The following PPP5C variants were observed in gnomAD, a reference collection of about 807,000 sequenced individuals.
PPP5C encodes protein phosphatase 5 catalytic subunit, also known as serine/threonine-protein phosphatase 5.
PPP5C carries 21 observed loss-of-function variants against 66.7 expected under a neutral mutation model. The ratio of observed to expected loss-of-function variants is 0.31; its 90% CI spans 0.22 to 0.45. PPP5C has a LOEUF of 0.45. Among genes scored for constraint, PPP5C ranks in the 20% least tolerant of loss-of-function variants. The pLI is 1.00. For synonymous variants in PPP5C, 246 were observed against 257.4 expected (o/e 0.96, Z 0.43); for missense variants, 464 against 675.9 (o/e 0.69, Z 3.48).
intron 2 of PPP5C, among the ~76,000 whole-genome samples, chr19:46,371,292 A>G (rs1972587148): frequency 1.3e-5 from 2 of 152,144 alleles, no homozygotes; most frequent in Admixed American, 6.5e-5. Context: ...TCAGTTAGAA[A>G]TGCGTGTTGC....
In PPP5C at chr19:46,383,147, G is replaced by T; in HGVS notation, c.634-264G>T. Reference sequence around the variant, plus strand: ...ATTCATGCATGTATTTCCACTTGATGCTGAGTATTTTAAGATAATTCAAGA... The same window carrying T: ...ATTCATGCATGTATTTCCACTTGATTCTGAGTATTTTAAGATAATTCAAGA... On this transcript the variant is annotated intron_variant, in intron 4 of 12. Transcript: ENST00000012443. This position sits in a 1 kb window ranked among gnomAD's most constrained non-coding sequence, Gnocchi z 5.0. 1.4e-6 allele frequency: 2 copies of T among 1,419,200 alleles called. No homozygotes were observed. Among genetic ancestry groups the T allele is most frequent in the Non-Finnish European group, 1.9e-6 (2 of 1,075,436 alleles). 87.9% of individuals were successfully genotyped at this position (1,419,200 alleles called of 1,614,324 possible). A position where few individuals can be genotyped will look rare whatever the true frequency, so the allele number is the denominator to read the frequency against.
chr19:46,380,213 G>T (rs914473003), intron 4 of PPP5C, among the ~76,000 whole-genome samples: 3 of 152,032 alleles, frequency 2.0e-5, no homozygotes, highest in Admixed American at 6.6e-5. Context: ...CCAGCTGCTC[G>T]AGAGGCTGAG....
intron 2 of PPP5C, among the ~76,000 whole-genome samples, chr19:46,360,843 C>T (rs191446671): frequency 1.2e-3 from 179 of 152,212 alleles, no homozygotes; most frequent in African/African-American, 4.1e-3. Context: ...AGGTTTGAAA[C>T]ACTTAATCAA....
At chr19:46,368,866 T>C (rs1441917911) in intron 2 of PPP5C, among the ~76,000 whole-genome samples, 1 of 152,216 alleles carries the variant, frequency 6.6e-6, no homozygotes, top group Non-Finnish European at 1.5e-5. Flanking sequence ...TCCAACTCCA[T>C]CCAAGTCTAC....
At position 46,383,943 on chromosome 19, in the gene PPP5C, C is replaced by A; in HGVS notation, c.798+65C>A. 7.6e-7 allele frequency: 1 copy of A among 1,316,084 alleles called. No homozygotes were observed. Among genetic ancestry groups the A allele is most frequent in the Non-Finnish European group, 1.1e-6 (1 of 912,642 alleles). 81.5% of individuals were successfully genotyped at this position (1,316,084 alleles called of 1,614,324 possible). ...CCCCAGCCGCAGCCTCAGGTCTGCA[C>A]AGAGTGGGAGGAGCCCTTGCCAGGA... On this transcript the variant is annotated intron_variant, in intron 6 of 12. Transcript: ENST00000012443. The surrounding 1 kb of genome is among the most constrained non-coding windows in gnomAD (Gnocchi z 5.0).
Position 46,350,534 on chromosome 19 carries a change from G to T in PPP5C, c.122-3214G>T, listed in dbSNP as rs1481793932. 3.3e-5 allele frequency among the ~76,000 whole-genome samples: 5 copies of T among 152,184 alleles called. No homozygotes were observed. In the East Asian group the frequency reaches 7.7e-4, roughly 23 times the overall value. ...CACTGAGCTGGCACGGAGGAGAACG[G>T]CCCTGCTGGCCCAGGCCCCTTGCTG... On this transcript the variant is annotated intron_variant, in intron 1 of 12. Transcript: ENST00000012443.
At chr19:46,368,597 TGGATGAACTGTATAACAG>T (rs1253805228) in intron 2 of PPP5C, among the ~76,000 whole-genome samples, 3 of 152,234 alleles carry the variant, frequency 2.0e-5, no homozygotes, top group Admixed American at 6.5e-5. Context: ...TTTAGTGGCA[TGGATGAACTGTATAACAG>T]GGATGAACTG....
intron 4 of PPP5C, among the ~76,000 whole-genome samples, chr19:46,377,382 C>T (rs1042638046): frequency 1.3e-5 from 2 of 152,174 alleles, no homozygotes; most frequent in African/African-American, 2.4e-5. Context: ...GGAGTAACTG[C>T]GTGTAATCCA....
At chr19:46,351,681 G>T (rs1972187769) in intron 1 of PPP5C, among the ~76,000 whole-genome samples, 2 of 152,248 alleles carry the variant, frequency 1.3e-5, no homozygotes, top group Non-Finnish European at 2.9e-5. Flanking sequence ...CCTCAAAGGC[G>T]CTGGCATTCC....
intron 2 of PPP5C, 142 bp from the exon 3 acceptor site, chr19:46,375,462 T>C (rs2147389043): frequency 7.8e-7 from 1 of 1,287,234 alleles, no homozygotes. Context: ...GGCAGTTAAA[T>C]ACGTCTAGGG....
intron 2 of PPP5C, among the ~76,000 whole-genome samples, chr19:46,367,265 G>A (rs1293935520): frequency 1.3e-5 from 2 of 152,206 alleles, no homozygotes; most frequent in Non-Finnish European, 2.9e-5. Context: ...GAGCCTTGGT[G>A]CTAGGACCAT....
chr19:46,372,209 T>G (rs992160417), intron 2 of PPP5C, among the ~76,000 whole-genome samples: 1 of 152,078 alleles, frequency 6.6e-6, no homozygotes, highest in African/African-American at 2.4e-5. Flanking sequence ...TTGTTTTGTT[T>G]TGGTTTTTTT....
chr19:46,359,114 G>T (rs1329105611), intron 2 of PPP5C, among the ~76,000 whole-genome samples: 3 of 152,140 alleles, frequency 2.0e-5, no homozygotes, highest in Non-Finnish European at 4.4e-5. Flanking sequence ...CACTAGGAAG[G>T]CTCACTTTAG....
At chr19:46,384,551 G>A in intron 6 of PPP5C, 1 of 436,946 alleles carries the variant, frequency 2.3e-6, no homozygotes, top group Non-Finnish European at 4.3e-6. Flanking sequence ...CTTTCCGGGA[G>A]ACAGGAGGCA....
At chr19:46,374,892 TGAC>T (rs1191309039) in intron 2 of PPP5C, among the ~76,000 whole-genome samples, 1 of 152,186 alleles carries the variant, frequency 6.6e-6, no homozygotes. Flanking sequence ...ACCCAGCTCA[TGAC>T]TTGCAGAGCT....
intron 2 of PPP5C, among the ~76,000 whole-genome samples, chr19:46,370,533 CT>C (rs1397804300): frequency 6.6e-6 from 1 of 152,170 alleles, no homozygotes; most frequent in Admixed American, 6.5e-5. Flanking sequence ...AGGTGTGGTT[CT>C]TTTCAGAAAA....
intron 2 of PPP5C, among the ~76,000 whole-genome samples, chr19:46,360,817 C>A (rs753801533): frequency 1.3e-4 from 20 of 151,890 alleles, no homozygotes; most frequent in Non-Finnish European, 2.8e-4. Context: ...TTTTGTAAAC[C>A]CTACAAATGC....
intron 4 of PPP5C, among the ~76,000 whole-genome samples, chr19:46,381,141 C>T (rs1413895917): frequency 1.3e-5 from 2 of 152,022 alleles, no homozygotes; most frequent in African/African-American, 2.4e-5. Context: ...CTGTCAAGCC[C>T]AACAAATGAA....
Position 46,387,088 on chromosome 19 carries a change from G to T in PPP5C, c.905-5G>T. 2 of 1,614,220 alleles carry T rather than the reference G, an allele frequency of 1.2e-6. No homozygotes were observed. The highest frequency in any genetic ancestry group is 1.7e-6 in the Non-Finnish European group (2 of 1,180,034). ...AGCTTTCTCTTCTGTCCCCGTGTTG[G>T]CCAGGCAACCACGAGACAGACAACA... On this transcript the variant is annotated splice_polypyrimidine_tract_variant and splice_region_variant and intron_variant, in intron 7 of 12. Transcript: ENST00000012443.
Sources: allele counts gnomAD v4.1 joint callset (sites outside exome capture counted in the v4.1 genomes callset), GRCh38; gene constraint gnomAD v4.1.1; non-coding constraint Gnocchi (gnomAD v3.1); transcripts MANE v1.5; gene names NCBI Gene and HGNC (gene_info 2026-07-23, HGNC 2026-07-21).